MADD: variants seen among roughly 807,000 people sequenced by gnomAD.
The protein encoded by MADD is MAP kinase-activating death domain protein.
MADD carries 109 observed loss-of-function variants against 176.7 expected under a neutral mutation model. That is an observed-to-expected ratio of 0.62 (90% CI 0.53 to 0.72). The LOEUF is 0.72. Ranked by LOEUF, MADD falls within the 30% of genes least tolerant of loss-of-function variation. The probability of loss-of-function intolerance (pLI) is 0.00; values close to 1 mark genes in which losing one functional copy is unlikely to be tolerated. For synonymous variants in MADD, 771 were observed against 771.3 expected (o/e 1.00, Z 0.01); for missense variants, 1,914 against 2,045.5 (o/e 0.94, Z 1.24).
chr11:47,299,085 C>T (rs2075491128), intron 22 of MADD, among the ~76,000 whole-genome samples: 1 of 152,092 alleles, frequency 6.6e-6, no homozygotes, highest in Non-Finnish European at 1.5e-5. Context: ...GTTACTATAG[C>T]TTTGTCTTAT....
At chr11:47,284,336 A>G (rs779205274) in intron 11 of MADD, 39 bp from the exon 12 acceptor site, 2 of 1,613,668 alleles carry the variant, frequency 1.2e-6, no homozygotes. Context: ...GGGCCCAAGG[A>G]TGGAGTGGTC....
intron 25 of MADD, 128 bp downstream of exon 28, chr11:47,309,740 A>C: frequency 1.5e-6 from 1 of 669,450 alleles, no homozygotes; most frequent in Non-Finnish European, 2.6e-6. Context: ...TTCTTGATTG[A>C]AAGTCTGAGG....
exon 18 of MADD, chr11:47,290,219 C>T (rs2063987607): frequency 6.2e-7 from 1 of 1,614,014 alleles, no homozygotes; most frequent in Admixed American, 1.7e-5. Flanking sequence ...TTGGAGCAGT[C>T]CTATGCCCAC....
rs1307764399 is a variant in MADD, at chr11:47,326,827, C to G, written c.4612+20C>G. On this transcript the variant is annotated intron_variant, in intron 31 of 32. Transcript: ENST00000402192. Reference sequence around the variant, plus strand: ...AATTTGGTAATTACACTATTTTGCTCTTAGGTCTGGACTCACATGGCAGTA... The same window carrying G: ...AATTTGGTAATTACACTATTTTGCTGTTAGGTCTGGACTCACATGGCAGTA... 1.9e-6 allele frequency: 3 copies of G among 1,613,910 alleles called. No individual in the cohort carries two copies. Among genetic ancestry groups the G allele is most frequent in the Non-Finnish European group, 8.5e-7 (1 of 1,179,902 alleles).
intron 27 of MADD, among the ~76,000 whole-genome samples, chr11:47,323,059 G>A (rs1301807045): frequency 6.6e-6 from 1 of 152,118 alleles, no homozygotes; most frequent in Non-Finnish European, 1.5e-5. Flanking sequence ...CCAACATGGT[G>A]AAACCCTGTC....
intron 30 of MADD, chr11:47,324,835 A>G (rs2095221553): frequency 1.5e-6 from 1 of 646,946 alleles, no homozygotes; most frequent in Non-Finnish European, 2.8e-6. Flanking sequence ...ACGCTGCCCC[A>G]TCCGTTGGAC....
At chr11:47,299,776 C>A (rs900173397) in intron 22 of MADD, among the ~76,000 whole-genome samples, 1 of 151,852 alleles carries the variant, frequency 6.6e-6, no homozygotes, top group Admixed American at 6.6e-5. Context: ...GCAGTCCACC[C>A]GCCTTGGCCA....
Position 47,273,982 on chromosome 11 carries a change from C to G in MADD, c.62+6C>G, listed in dbSNP as rs1565248499. The G allele has an allele frequency of 6.2e-7, 1 of 1,613,358 alleles. No homozygotes were observed. The highest frequency in any genetic ancestry group is 1.7e-4 in the Middle Eastern group (1 of 6,058). On this transcript the variant is annotated splice_donor_region_variant and intron_variant, in intron 2 of 32. Coordinates refer to ENST00000402192, the Ensembl canonical transcript of MADD. ...CTAGTGATCGTAGGGGCCAGGTAAC[C>G]AAGAAGAGATTGACTTTTGTCTTAA...
chr11:47,290,098 G>A (rs200485243), intron 17 of MADD, 45 bp downstream of exon 18: 2 of 1,612,604 alleles, frequency 1.2e-6, no homozygotes, highest in East Asian at 4.5e-5. Context: ...AGAGAGGGAT[G>A]TGAACACCAC....
Position 47,328,610 on chromosome 11 carries a change from C to T in MADD, c.4613-48C>T, listed in dbSNP as rs1332710072. 6 of 1,613,428 alleles carry T rather than the reference C, an allele frequency of 3.7e-6. No homozygotes were observed. The Admixed American group carries it at 1.0e-4, about 27-fold the overall frequency. On this transcript the variant is annotated intron_variant, in intron 31 of 32. Coordinates refer to ENST00000402192, the Ensembl canonical transcript of MADD. The stretch of plus-strand genomic sequence containing the variant: ...CGCCTGGGGGAGCATGGCACGATTG[C>T]TCTTAGTGTTGAACTTTCTGTTTTG...
intron 20 of MADD, among the ~76,000 whole-genome samples, chr11:47,294,366 A>AAT (rs35882802): frequency 0.4 from 58,164 of 146,934 alleles, 12,512 homozygotes; most frequent in East Asian, 0.69. Flanking sequence ...AAAAAAAATA[A>AAT]AAATAAAAAT....
At chr11:47,290,509 T>C (rs537244103) in intron 18 of MADD, 101 bp from the exon 20 acceptor site, 11 of 1,329,804 alleles carry the variant, frequency 8.3e-6, no homozygotes, top group Non-Finnish European at 1.1e-5. Flanking sequence ...CTTGAACTTC[T>C]TCCATTCCGC....
At chr11:47,304,546 A>T (rs1356709697) in intron 22 of MADD, among the ~76,000 whole-genome samples, 1 of 151,614 alleles carries the variant, frequency 6.6e-6, no homozygotes, top group Non-Finnish European at 1.5e-5. Context: ...TGTATTTTTT[A>T]AACTTTGTTC....
upstream of MADD, chr11:47,269,360 G>A (rs1377035506): frequency 6.6e-6 from 1 of 152,452 alleles, no homozygotes; most frequent in African/African-American, 2.4e-5. Flanking sequence ...TTTCTGCGGT[G>A]GAGGAGGAAG....
rs530266827 is a variant in MADD at position 47,280,319 on chromosome 11, G to A, written c.1290+1240G>A. ...TCTGTGTTGTCTGAAGTACTTAGTA[G>A]TATCTCTAGATGCTATGTTTGGGTT... On this transcript the variant is annotated intron_variant, in intron 7 of 32. Transcript: ENST00000402192. Among the ~76,000 whole-genome samples, 14 of 152,220 alleles carry A rather than the reference G, an allele frequency of 9.2e-5. No individual in the cohort carries two copies. The South Asian group carries it at 2.7e-3, about 29-fold the overall frequency.
chr11:47,323,539 A>G, intron 27 of MADD, 132 bp from the exon 31 acceptor site: 1 of 816,784 alleles, frequency 1.2e-6, no homozygotes, highest in Non-Finnish European at 1.9e-6. Flanking sequence ...GTCTTCACCT[A>G]GGGAAACCAT....
chr11:47,290,826 A>T lies in MADD; in HGVS notation c.3301+10A>T. The T allele has an allele frequency of 3.1e-6, 5 of 1,597,122 alleles. No homozygotes were observed. The highest frequency in any genetic ancestry group is 4.3e-6 in the Non-Finnish European group (5 of 1,166,318). ...TTTATAGCATCTATTGGTACGTATC[A>T]GTGTGTTTGGTGTGGTGGAGGGGTC... On this transcript the variant is annotated intron_variant, in intron 19 of 32. Transcript: ENST00000402192.
chr11:47,278,703 A>G (rs947442022), intron 6 of MADD, among the ~76,000 whole-genome samples: 2 of 152,194 alleles, frequency 1.3e-5, no homozygotes, highest in African/African-American at 4.8e-5. Context: ...GGAAGCCCTT[A>G]TGTGTGCTCA....
At chr11:47,275,837 A>T in intron 3 of MADD, 62 bp from the exon 4 acceptor site, 1 of 1,455,372 alleles carries the variant, frequency 6.9e-7, no homozygotes, top group Non-Finnish European at 9.4e-7. Context: ...GGTGATACTG[A>T]GTTGCAGTAG....
Sources: allele counts gnomAD v4.1 joint callset (sites outside exome capture counted in the v4.1 genomes callset), GRCh38; gene constraint gnomAD v4.1.1; transcripts MANE v1.5; gene names NCBI Gene and HGNC (gene_info 2026-07-23, HGNC 2026-07-21).